The following CRADD variants were observed in gnomAD, a reference collection of about 807,000 sequenced individuals.
CRADD encodes the protein CARD and death domain containing adaptor protein, also known as death domain-containing protein CRADD.
CRADD carries 9 observed loss-of-function variants against 15.5 expected under a neutral mutation model. The observed-to-expected ratio is 0.58, with a 90% confidence interval of 0.35 to 1.01. The LOEUF (loss-of-function observed/expected upper bound fraction) is 1.01, where lower values mean the gene tolerates loss of function less well. Among genes scored for constraint, CRADD ranks in the 50% least tolerant of loss-of-function variants. The probability of loss-of-function intolerance (pLI) is 0.02; values close to 1 mark genes in which losing one functional copy is unlikely to be tolerated. For synonymous variants in CRADD, 118 were observed against 107.6 expected, an observed-to-expected ratio of 1.10 and a Z score of -0.60; for missense variants, 227 against 250.3, an observed-to-expected ratio of 0.91 and a Z score of 0.63.
At chr12:93,693,277 A>G (rs1955616381) in intron 2 of CRADD, among the ~76,000 whole-genome samples, 1 of 152,154 alleles carries the variant, frequency 6.6e-6, no homozygotes, top group Non-Finnish European at 1.5e-5. Flanking sequence ...TAAATTCTCC[A>G]GTTAAAAGAC....
chr12:93,818,743 C>A (rs898987591), intron 2 of CRADD, among the ~76,000 whole-genome samples: 2 of 152,174 alleles, frequency 1.3e-5, no homozygotes, highest in African/African-American at 4.8e-5. Context: ...TTATCAGCCC[C>A]TAAGGAACAG....
At chr12:93,771,908 G>A (rs1957089343) in intron 2 of CRADD, among the ~76,000 whole-genome samples, 1 of 152,172 alleles carries the variant, frequency 6.6e-6, no homozygotes, top group African/African-American at 2.4e-5. Flanking sequence ...TCTAAGATGA[G>A]ATCATATATG....
At chr12:93,863,883 T>C (rs1223373376) in intron 2 of CRADD, among the ~76,000 whole-genome samples, 3 of 152,190 alleles carry the variant, frequency 2.0e-5, no homozygotes, top group Non-Finnish European at 4.4e-5. Flanking sequence ...TTAAATTTTT[T>C]TTATTTATTC....
chr12:93,726,323 C>T (rs78536599), intron 2 of CRADD, among the ~76,000 whole-genome samples: 2 of 151,910 alleles, frequency 1.3e-5, no homozygotes, highest in South Asian at 2.1e-4. Context: ...AGGCTGGCCT[C>T]GAACTCCTGA....
intron 2 of CRADD, among the ~76,000 whole-genome samples, chr12:93,730,931 G>T (rs1406204347): frequency 6.6e-6 from 1 of 152,030 alleles, no homozygotes; most frequent in Non-Finnish European, 1.5e-5. Context: ...GGCCAGGCTG[G>T]TCTCCAACTC....
chr12:93,805,145 T>C (rs1449303463), intron 2 of CRADD, among the ~76,000 whole-genome samples: 1 of 152,062 alleles, frequency 6.6e-6, no homozygotes, highest in East Asian at 1.9e-4. Context: ...CTTGCTGGGG[T>C]TATAAAGCAA....
At chr12:93,823,915 A>G (rs1230599292) in intron 2 of CRADD, among the ~76,000 whole-genome samples, 1 of 152,226 alleles carries the variant, frequency 6.6e-6, no homozygotes, top group African/African-American at 2.4e-5. Flanking sequence ...GTCAAATATC[A>G]GAGAGTCTAC....
intron 2 of CRADD, among the ~76,000 whole-genome samples, chr12:93,786,227 G>A (rs1172717716): frequency 2.0e-5 from 3 of 152,170 alleles, no homozygotes; most frequent in African/African-American, 7.2e-5. Flanking sequence ...TAGACTTCTG[G>A]AATAAACTCC....
intron 2 of CRADD, among the ~76,000 whole-genome samples, chr12:93,786,767 A>G (rs1957282451): frequency 6.6e-6 from 1 of 152,222 alleles, no homozygotes; most frequent in African/African-American, 2.4e-5. Flanking sequence ...ATGAGGAAAC[A>G]CGAGACATCA....
At chr12:93,862,306 C>T (rs532766214) in intron 2 of CRADD, among the ~76,000 whole-genome samples, 1 of 152,312 alleles carries the variant, frequency 6.6e-6, no homozygotes, top group African/African-American at 2.4e-5. Flanking sequence ...TTACAAACTA[C>T]CTTTATCATA....
At chr12:93,834,182 C>T (rs1455824293) in intron 2 of CRADD, among the ~76,000 whole-genome samples, 4 of 152,266 alleles carry the variant, frequency 2.6e-5, no homozygotes, top group South Asian at 2.1e-4. Context: ...AACTCTTGAT[C>T]GGTTAGGTCA....
At chr12:93,853,689 A>G (rs980122476), downstream of CRADD, among the ~76,000 whole-genome samples, 1 of 152,210 alleles carries the variant, frequency 6.6e-6, no homozygotes, top group African/African-American at 2.4e-5. Context: ...GATGGCCTCT[A>G]CACTGCCTGA....
Position 93,814,220 on chromosome 12 carries a change from G to T in CRADD, c.299-35750G>T, listed in dbSNP as rs537869058. Among the ~76,000 whole-genome samples the T allele has an allele frequency of 5.3e-5, 8 of 152,218 alleles. 1 individual carries two copies. The highest frequency in any genetic ancestry group is 2.0e-4 in the Admixed American group (3 of 15,292). On this transcript the variant is annotated intron_variant, in intron 2 of 2. Coordinates refer to ENST00000332896, the MANE Select transcript of CRADD (RefSeq NM_003805.5). ...TTCTTGGCATGAGCAAATTGTTCCC[G>T]CTGAATACACACACTATGTCCGCTA...
intron 2 of CRADD, among the ~76,000 whole-genome samples, chr12:93,717,607 C>T (rs1956184716): frequency 6.6e-6 from 1 of 152,100 alleles, no homozygotes; most frequent in African/African-American, 2.4e-5. Context: ...ACAACCTCCG[C>T]CTCCTGGGGT....
chr12:93,716,142 A>G (rs948139095), intron 2 of CRADD, among the ~76,000 whole-genome samples: 14 of 152,090 alleles, frequency 9.2e-5, no homozygotes, highest in African/African-American at 3.4e-4. Flanking sequence ...AAAAAAAAAA[A>G]AAAGGAAAAA....
At chr12:93,715,480 A>T (rs1431298250) in intron 2 of CRADD, among the ~76,000 whole-genome samples, 2 of 152,174 alleles carry the variant, frequency 1.3e-5, no homozygotes. Flanking sequence ...GGAGGGAAGA[A>T]ACTAGTTGGG....
chr12:93,768,066 TG>T (rs1957044435), intron 2 of CRADD, among the ~76,000 whole-genome samples: 1 of 152,244 alleles, frequency 6.6e-6, no homozygotes, highest in African/African-American at 2.4e-5. Flanking sequence ...AAGAGCCATT[TG>T]TTTTTTTCTT....
At chr12:93,843,383 T>G (rs1274413867) in intron 2 of CRADD, among the ~76,000 whole-genome samples, 1 of 144,984 alleles carries the variant, frequency 6.9e-6, no homozygotes, top group Non-Finnish European at 1.5e-5. Flanking sequence ...GTCTTTTTAT[T>G]CTTTTTTTTT....
At chr12:93,733,815 C>T (rs1311191906) in intron 2 of CRADD, among the ~76,000 whole-genome samples, 1 of 151,602 alleles carries the variant, frequency 6.6e-6, no homozygotes, top group East Asian at 1.9e-4. Context: ...AGGCCCACTG[C>T]AGCCTCAATC....
Sources: gnomAD v4.1 joint callset for allele counts (sites outside exome capture counted in the v4.1 genomes callset) on GRCh38, gnomAD v4.1.1 for gene constraint, MANE v1.5 for transcripts, NCBI Gene and HGNC (gene_info 2026-07-23, HGNC 2026-07-21) for gene names.